Variants in CLVS1 observed in about 807,000 individuals in gnomAD.
CLVS1 encodes clavesin 1.
In CLVS1, 10 loss-of-function variants were observed where a neutral mutation model predicts 33.1. The ratio of observed to expected loss-of-function variants is 0.30; its 90% CI spans 0.19 to 0.51. CLVS1 has a LOEUF of 0.51. Ranked by LOEUF, CLVS1 falls within the 20% of genes least tolerant of loss-of-function variation. The probability of loss-of-function intolerance (pLI) is 0.97; values close to 1 mark genes in which losing one functional copy is unlikely to be tolerated. For synonymous variants in CLVS1, 163 were observed against 166.1 expected (o/e 0.98, Z 0.14); for missense variants, 343 against 433.4 (o/e 0.79, Z 1.85).
the CLVS1 span, among the ~76,000 whole-genome samples, chr8:61,051,713 T>G: frequency 6.6e-6 from 1 of 152,250 alleles, no homozygotes; most frequent in Non-Finnish European, 1.5e-5. Flanking sequence ...TCCCATCCAT[T>G]TTGACCTCAG....
At chr8:61,199,346 C>T (rs1442147493) in intron 2 of CLVS1, among the ~76,000 whole-genome samples, 2 of 151,908 alleles carry the variant, frequency 1.3e-5, no homozygotes, top group African/African-American at 4.8e-5. Context: ...AAGATATTTG[C>T]CAACTATATC....
rs149533213 is a variant in CLVS1, at chr8:61,479,499, A to G, written c.978-19956A>G. On this transcript the variant is annotated intron_variant, in intron 5 of 5. Coordinates refer to ENST00000325897, the MANE Select transcript of CLVS1 (RefSeq NM_173519.3). Reference sequence around the variant, plus strand: ...AGCCATTCGTCTAATTTTTTTTTCAAGGTTTTTAACTTCTTTGCCATTGGT... The same window carrying G: ...AGCCATTCGTCTAATTTTTTTTTCAGGGTTTTTAACTTCTTTGCCATTGGT... Among the ~76,000 whole-genome samples, 551 of 152,144 alleles carry G rather than the reference A, an allele frequency of 3.6e-3. 9 individuals carry two copies. The highest frequency in any genetic ancestry group is 0.021 in the Admixed American group (314 of 15,278).
intron 2 of CLVS1, among the ~76,000 whole-genome samples, chr8:61,275,405 T>A (rs1363022834): frequency 6.6e-6 from 1 of 152,222 alleles, no homozygotes. Context: ...GTTAGCAATA[T>A]GTTTCACACA....
chr8:61,095,106 A>G (rs1805324648), intron 1 of CLVS1, among the ~76,000 whole-genome samples: 1 of 152,192 alleles, frequency 6.6e-6, no homozygotes, highest in African/African-American at 2.4e-5. Flanking sequence ...ATCTCCTTTC[A>G]TATTCATAAC....
intron 2 of CLVS1, among the ~76,000 whole-genome samples, chr8:61,190,526 A>G (rs1278957569): frequency 6.6e-6 from 1 of 152,208 alleles, no homozygotes; most frequent in Non-Finnish European, 1.5e-5. Flanking sequence ...CTAAGATCAG[A>G]GGAGAACTGA....
chr8:61,413,417 G>A (rs1457703965), intron 3 of CLVS1, among the ~76,000 whole-genome samples: 1 of 152,174 alleles, frequency 6.6e-6, no homozygotes, highest in Non-Finnish European at 1.5e-5. Context: ...ATGAGACATG[G>A]GGTTTTATTC....
At chr8:61,058,466 A>T (rs1203998720) in intron 1 of CLVS1, among the ~76,000 whole-genome samples, 1 of 152,222 alleles carries the variant, frequency 6.6e-6, no homozygotes, top group Non-Finnish European at 1.5e-5. Context: ...CATATGTGGA[A>T]GTTACTTCTG....
At chr8:61,180,055 G>A (rs980566771) in intron 2 of CLVS1, among the ~76,000 whole-genome samples, 1 of 151,998 alleles carries the variant, frequency 6.6e-6, no homozygotes, top group South Asian at 2.1e-4. Context: ...CCGGGAGCTG[G>A]TTTTTTGAAA....
chr8:61,191,448 C>A (rs925726818), intron 2 of CLVS1, among the ~76,000 whole-genome samples: 1 of 152,130 alleles, frequency 6.6e-6, no homozygotes, highest in African/African-American at 2.4e-5. Flanking sequence ...GGAAGCATTC[C>A]CTTTGAAAAC....
intron 2 of CLVS1, among the ~76,000 whole-genome samples, chr8:61,220,878 C>A (rs12674473): frequency 6.6e-6 from 1 of 152,210 alleles, no homozygotes; most frequent in South Asian, 2.1e-4. Flanking sequence ...TTATTCACGT[C>A]CCTTGTTAGC....
Position 61,380,221 on chromosome 8 carries a change from T to G in CLVS1, c.630+3442T>G, listed in dbSNP as rs145907671. Among the ~76,000 whole-genome samples, 219 of 152,336 alleles carry G rather than the reference T, an allele frequency of 1.4e-3. 2 individuals carry two copies. The Middle Eastern group carries it at 0.037, about 26-fold the overall frequency. ...GCAAGCAGGGGACAGTGTTCTATTT[T>G]GGTCTACCAGTTGTATTTCTGTGCT... On this transcript the variant is annotated intron_variant, in intron 3 of 5. Transcript: ENST00000325897.
At chr8:61,326,681 G>T (rs1795902508) in intron 2 of CLVS1, among the ~76,000 whole-genome samples, 1 of 152,126 alleles carries the variant, frequency 6.6e-6, no homozygotes, top group Admixed American at 6.6e-5. Flanking sequence ...ATGTACCACA[G>T]AAACCAAATC....
Position 61,290,384 on chromosome 8 carries a change from G to A in CLVS1, c.-152+2246G>A, listed in dbSNP as rs115267885. Among the ~76,000 whole-genome samples the A allele has an allele frequency of 3.3e-3, 506 of 152,224 alleles. 3 individuals carry two copies. Among genetic ancestry groups the A allele is most frequent in the African/African-American group, 0.012 (479 of 41,518 alleles). On this transcript the variant is annotated intron_variant, in intron 1 of 5. Coordinates refer to ENST00000325897, the MANE Select transcript of CLVS1 (RefSeq NM_173519.3). The stretch of plus-strand genomic sequence containing the variant: ...ATTTTGCCTTTAAAAAATATTTTCA[G>A]TAACAGAAATTACTCATTTTTATAA...
chr8:61,306,552 G>T (rs1000954155), intron 2 of CLVS1, among the ~76,000 whole-genome samples: 3 of 152,166 alleles, frequency 2.0e-5, no homozygotes, highest in Non-Finnish European at 2.9e-5. Flanking sequence ...TTCATCTGAT[G>T]ATGAGCACTC....
chr8:60,980,654 A>T, the CLVS1 span, among the ~76,000 whole-genome samples: 36 of 152,264 alleles, frequency 2.4e-4, no homozygotes, highest in East Asian at 6.6e-3. Context: ...GTATGGTGGC[A>T]CATGCCTGTA....
At chr8:61,347,009 T>TA (rs1408077343) in intron 2 of CLVS1, among the ~76,000 whole-genome samples, 1 of 152,106 alleles carries the variant, frequency 6.6e-6, no homozygotes, top group Admixed American at 6.5e-5. Context: ...GTAATGAAGC[T>TA]AAAAAACAAG....
chr8:61,406,082 G>A (rs528767132), intron 3 of CLVS1, among the ~76,000 whole-genome samples: 4 of 152,298 alleles, frequency 2.6e-5, no homozygotes, highest in East Asian at 3.9e-4. Context: ...CCTCTGAAAC[G>A]TATGAGAGTC....
At chr8:61,375,843 C>T (rs1016691747) in intron 2 of CLVS1, among the ~76,000 whole-genome samples, 8 of 152,164 alleles carry the variant, frequency 5.3e-5, no homozygotes, top group Admixed American at 5.2e-4. Context: ...ATCACTTCTT[C>T]ATGTCTGAAA....
chr8:61,069,011 G>T (rs181880662), intron 1 of CLVS1, among the ~76,000 whole-genome samples: 1 of 152,082 alleles, frequency 6.6e-6, no homozygotes, highest in Admixed American at 6.5e-5. Flanking sequence ...TTGTTGTCCA[G>T]GCTGGAGTGC....
Sources: gnomAD v4.1 joint callset for allele counts (sites outside exome capture counted in the v4.1 genomes callset) on GRCh38, gnomAD v4.1.1 for gene constraint, MANE v1.5 for transcripts, NCBI Gene and HGNC (gene_info 2026-07-23, HGNC 2026-07-21) for gene names.